The following AHCTF1 variants were observed in gnomAD, a reference collection of about 807,000 sequenced individuals.
AHCTF1 encodes protein ELYS.
AHCTF1 carries 24 observed loss-of-function variants against 248.4 expected under a neutral mutation model. That is an observed-to-expected ratio of 0.10 (90% CI 0.07 to 0.14). The LOEUF (loss-of-function observed/expected upper bound fraction) is 0.14, where lower values mean the gene tolerates loss of function less well. AHCTF1 is among the 10% of genes least tolerant of loss of function. The probability of loss-of-function intolerance (pLI) is 1.00; values close to 1 mark genes in which losing one functional copy is unlikely to be tolerated. For missense variants in AHCTF1, 2,206 were observed against 2,636.2 expected (o/e 0.84, Z 3.57); for synonymous variants, 786 against 929.8 (o/e 0.85, Z 2.81).
At chr1:246,921,520 T>G (rs541620784) in intron 1 of AHCTF1, among the ~76,000 whole-genome samples, 3 of 152,106 alleles carry the variant, frequency 2.0e-5, no homozygotes, top group African/African-American at 4.8e-5. Context: ...GGATGAGTAG[T>G]TTTAAATTAT....
chr1:246,919,182 C>G (rs928740166), intron 1 of AHCTF1, among the ~76,000 whole-genome samples: 3 of 152,138 alleles, frequency 2.0e-5, no homozygotes, highest in African/African-American at 4.8e-5. Flanking sequence ...TCTGGGCACT[C>G]TAAGATCCAG....
chr1:246,847,518 G>A (rs1429394841), intron 33 of AHCTF1, among the ~76,000 whole-genome samples: 1 of 152,052 alleles, frequency 6.6e-6, no homozygotes, highest in Non-Finnish European at 1.5e-5. Context: ...TTTGTTTTGA[G>A]ACGTGGTCTT....
chr1:246,881,654 T>A (rs1020935109), intron 21 of AHCTF1, among the ~76,000 whole-genome samples: 11 of 151,514 alleles, frequency 7.3e-5, no homozygotes, highest in African/African-American at 2.7e-4. Context: ...CTGACCAACA[T>A]GGGTGAAACC....
intron 3 of AHCTF1, among the ~76,000 whole-genome samples, chr1:246,915,138 T>G (rs775960328): frequency 3.6e-4 from 54 of 152,106 alleles, no homozygotes; most frequent in Admixed American, 1.1e-3. Context: ...GAGAGCAGCC[T>G]GGCCAACAGG....
chr1:246,920,142 CAAAAAA>C (rs68194249), intron 1 of AHCTF1, among the ~76,000 whole-genome samples: 68 of 40,802 alleles, frequency 1.7e-3, no homozygotes, highest in African/African-American at 5.4e-3. Context: ...CTGTCCCCCG[CAAAAAA>C]AAAAAAAAAA....
intron 1 of AHCTF1, among the ~76,000 whole-genome samples, chr1:246,924,611 C>G (rs1666805660): frequency 6.6e-6 from 1 of 151,976 alleles, no homozygotes; most frequent in African/African-American, 2.4e-5. Context: ...AGTCCCCTCC[C>G]CCAAAAAAAT....
At chr1:246,844,034 G>A (rs1360734266) in intron 33 of AHCTF1, 106 bp from the exon 34 acceptor site, 2 of 809,344 alleles carry the variant, frequency 2.5e-6, no homozygotes, top group African/African-American at 1.8e-5. Flanking sequence ...AGATGCAAAC[G>A]TCCCCAAACC....
intron 12 of AHCTF1, among the ~76,000 whole-genome samples, chr1:246,896,915 A>T (rs1326721941): frequency 1.3e-5 from 2 of 152,160 alleles, no homozygotes; most frequent in African/African-American, 4.8e-5. Context: ...CTAAACGGAG[A>T]CTCACTGAAG....
At chr1:246,890,789 T>C (rs531495595) in intron 16 of AHCTF1, among the ~76,000 whole-genome samples, 167 bp downstream of exon 16, 11 of 152,088 alleles carry the variant, frequency 7.2e-5, no homozygotes, top group African/African-American at 1.7e-4. Context: ...AGGATGAAGA[T>C]ACAAAGTAAG....
At chr1:246,919,703 C>CAA (rs11396118) in intron 1 of AHCTF1, among the ~76,000 whole-genome samples, 6,100 of 137,558 alleles carry the variant, frequency 0.044, 459 homozygotes, top group African/African-American at 0.15. Context: ...GACTCCATCT[C>CAA]AAAAAAAAAA....
intron 14 of AHCTF1, among the ~76,000 whole-genome samples, chr1:246,893,594 G>T (rs1414563131): frequency 6.6e-6 from 1 of 152,100 alleles, no homozygotes; most frequent in East Asian, 1.9e-4. Flanking sequence ...CAATCGAAAT[G>T]AACAACAGAT....
At chr1:246,857,004 C>T (rs928006225) in intron 30 of AHCTF1, among the ~76,000 whole-genome samples, 7 of 152,186 alleles carry the variant, frequency 4.6e-5, no homozygotes, top group African/African-American at 7.2e-5. Context: ...TTCAAAAGTG[C>T]GGACATGCAA....
chr1:246,865,399 A>G (rs1661898664), intron 26 of AHCTF1: 1 of 152,186 alleles, frequency 6.6e-6, no homozygotes, highest in Admixed American at 6.5e-5. Flanking sequence ...ATGGGGAAAT[A>G]TTTCAATGTC....
intron 33 of AHCTF1, among the ~76,000 whole-genome samples, chr1:246,845,352 A>T (rs1305243274): frequency 6.8e-6 from 1 of 147,766 alleles, no homozygotes; most frequent in Admixed American, 6.6e-5. Context: ...TGTATATATA[A>T]GCATATGATT....
At chr1:246,929,986 AGG>A (rs1667225040) in intron 1 of AHCTF1, among the ~76,000 whole-genome samples, 10 of 151,998 alleles carry the variant, frequency 6.6e-5, no homozygotes, top group African/African-American at 2.4e-4. Flanking sequence ...TGGGAGACGG[AGG>A]TTGCAGTGAG....
rs532869215 is a variant in AHCTF1 at position 246,849,989 on chromosome 1, C to G, written c.6017G>C (p.Arg2006Thr). 52 of 1,613,606 alleles carry G rather than the reference C, an allele frequency of 3.2e-5. No homozygotes were observed. The East Asian group carries it at 9.8e-4, about 30-fold the overall frequency. Residue 2006 changes from arginine (R) to threonine (T), a missense_variant, in exon 33 of 36, where the codon AGA becomes ACA. Physicochemically the swap from Arg to Thr is moderately conservative, Grantham distance 71. Transcript: ENST00000648844. ...SPKKKEAPSI[R>T]RRSTRNTPAK... ...TGGGGTATTTCTTGTAGATCTCCTT[C>G]TAATGCTGGGAGCTTCTTTCTTCTT...
chr1:246,896,974 A>G (rs190814904), intron 12 of AHCTF1, among the ~76,000 whole-genome samples: 5 of 152,200 alleles, frequency 3.3e-5, no homozygotes, highest in African/African-American at 1.2e-4. Flanking sequence ...TGCTACTAAC[A>G]TTATTACCTA....
At chr1:246,869,056 G>C (rs185910751) in intron 24 of AHCTF1, among the ~76,000 whole-genome samples, 109 of 151,702 alleles carry the variant, frequency 7.2e-4, no homozygotes, top group African/African-American at 1.7e-3. Flanking sequence ...ATGTTGGCCA[G>C]GATGGTCTCG....
intron 35 of AHCTF1, among the ~76,000 whole-genome samples, chr1:246,841,904 T>G (rs898741868): frequency 1.2e-4 from 18 of 151,532 alleles, no homozygotes; most frequent in African/African-American, 4.4e-4. Flanking sequence ...TGATTCTGCC[T>G]CAGCCTCCAG....
Sources: gnomAD v4.1 joint callset for allele counts (sites outside exome capture counted in the v4.1 genomes callset) on GRCh38, gnomAD v4.1.1 for gene constraint, MANE v1.5 for transcripts, NCBI Gene and HGNC (gene_info 2026-07-23, HGNC 2026-07-21) for gene names.